The following ADAM10 variants were observed in gnomAD, a reference collection of about 807,000 sequenced individuals.
The protein encoded by ADAM10 is ADAM metallopeptidase domain 10.
In ADAM10, 17 loss-of-function variants were observed where a neutral mutation model predicts 90.1. That is an observed-to-expected ratio of 0.19 (90% CI 0.13 to 0.28). The LOEUF (loss-of-function observed/expected upper bound fraction) is 0.28. ADAM10 is among the 10% of genes least tolerant of loss of function. The pLI is 1.00. For missense variants in ADAM10, 610 were observed against 914.3 expected (o/e 0.67, Z 4.29); for synonymous variants, 310 against 298.6 (o/e 1.04, Z -0.40).
intron 1 of ADAM10, among the ~76,000 whole-genome samples, chr15:58,725,843 T>A (rs758804904): frequency 2.6e-5 from 4 of 151,994 alleles, no homozygotes; most frequent in Non-Finnish European, 5.9e-5. Context: ...CAAATGAAGG[T>A]GAGAAGAGGA....
Position 58,592,024 on chromosome 15 carries a change from T to C in ADAM10, c.*5523A>G, listed in dbSNP as rs1188063682. 6.6e-6 allele frequency: 1 copy of C among 152,290 alleles called. No individual in the cohort carries two copies. Among genetic ancestry groups the C allele is most frequent in the African/African-American group, 2.4e-5 (1 of 41,468 alleles). 9.4% of individuals were successfully genotyped at this position (152,290 alleles called of 1,614,324 possible). On this transcript the variant is annotated 3_prime_UTR_variant, in exon 16 of 16. Transcript: ENST00000260408. ...GAAGCAGGACCATATGTCTTGTAGT[T>C]TTCCAGAGTCTGGATTTTGCTGATT...
chr15:58,655,713 A>ATATATATATATATATATATATATAG (rs1896803307), intron 5 of ADAM10, among the ~76,000 whole-genome samples: 2 of 54,056 alleles, frequency 3.7e-5, no homozygotes, highest in Non-Finnish European at 5.9e-5. Context: ...TATATATAGT[A>ATATATATATATATATATATATATAG]TATATATATA....
intron 11 of ADAM10, 71 bp from the exon 12 acceptor site, chr15:58,612,062 T>A: frequency 4.3e-6 from 6 of 1,407,940 alleles, no homozygotes; most frequent in Non-Finnish European, 5.9e-6. Context: ...AGATATTAGA[T>A]TAGATCCACA....
At chr15:58,636,805 G>C (rs1896268123) in intron 8 of ADAM10, among the ~76,000 whole-genome samples, 1 of 152,092 alleles carries the variant, frequency 6.6e-6, no homozygotes, top group African/African-American at 2.4e-5. Context: ...GTTTTGATGT[G>C]AGGAGGCCAA....
chr15:58,670,190 T>G (rs1412639059), intron 4 of ADAM10, among the ~76,000 whole-genome samples: 1 of 150,312 alleles, frequency 6.7e-6, no homozygotes, highest in Admixed American at 6.6e-5. Context: ...CCTGATTAAA[T>G]CCTGTATTAA....
At chr15:58,665,277 T>G (rs949991024) in intron 4 of ADAM10, 80 bp from the exon 5 acceptor site, 4 of 1,058,298 alleles carry the variant, frequency 3.8e-6, no homozygotes, top group Non-Finnish European at 5.9e-6. Flanking sequence ...AAGTAAAAAT[T>G]TAACTGTCTT....
chr15:58,691,022 G>A, intron 2 of ADAM10: 1 of 518,802 alleles, frequency 1.9e-6, no homozygotes, highest in Non-Finnish European at 3.8e-6. Context: ...TGATCTCCAG[G>A]TGCTTTTTAG....
chr15:58,675,025 G>A (rs1897280399), intron 4 of ADAM10, among the ~76,000 whole-genome samples: 1 of 152,094 alleles, frequency 6.6e-6, no homozygotes, highest in Non-Finnish European at 1.5e-5. Flanking sequence ...GTGAAACCCC[G>A]TCTCTACTAA....
At chr15:58,699,325 T>C (rs1374416749) in intron 2 of ADAM10, among the ~76,000 whole-genome samples, 1 of 152,140 alleles carries the variant, frequency 6.6e-6, no homozygotes, top group Non-Finnish European at 1.5e-5. Flanking sequence ...AAAAAGATGA[T>C]GATCACCATC....
At chr15:58,654,766 G>A (rs1253253554) in intron 5 of ADAM10, among the ~76,000 whole-genome samples, 2 of 152,056 alleles carry the variant, frequency 1.3e-5, no homozygotes, top group Non-Finnish European at 2.9e-5. Context: ...TCATTCAGGA[G>A]CATATTGTTT....
chr15:58,678,246 C>A (rs1014638389), intron 4 of ADAM10, among the ~76,000 whole-genome samples: 13 of 152,218 alleles, frequency 8.5e-5, no homozygotes, highest in Admixed American at 5.2e-4. Context: ...AGCAGTTGGA[C>A]AGATGAAGTA....
intron 1 of ADAM10, among the ~76,000 whole-genome samples, chr15:58,721,660 G>A (rs1351719799): frequency 6.6e-6 from 1 of 152,090 alleles, no homozygotes; most frequent in Non-Finnish European, 1.5e-5. Flanking sequence ...CAGAGTGGGA[G>A]GATCACTTGA....
chr15:58,655,717 A>ATATG (rs1896804841), intron 5 of ADAM10, among the ~76,000 whole-genome samples: 1 of 55,458 alleles, frequency 1.8e-5, no homozygotes, highest in Non-Finnish European at 2.9e-5. Flanking sequence ...TATAGTATAT[A>ATATG]TATATATATA....
At chr15:58,633,117 G>T (rs1206254697) in intron 9 of ADAM10, 79 bp downstream of exon 9, 5 of 1,364,924 alleles carry the variant, frequency 3.7e-6, no homozygotes, top group East Asian at 4.9e-5. Context: ...TTGTTTTCAC[G>T]GTGAATTTTA....
intron 1 of ADAM10, among the ~76,000 whole-genome samples, chr15:58,734,294 C>T (rs1456535910): frequency 6.6e-6 from 1 of 152,122 alleles, no homozygotes; most frequent in Admixed American, 6.5e-5. Flanking sequence ...TTAAACCACC[C>T]AATCAAGTGA....
chr15:58,732,878 C>T (rs1011345006), intron 1 of ADAM10: 3 of 153,552 alleles, frequency 2.0e-5, no homozygotes, highest in Non-Finnish European at 4.4e-5. Context: ...AAAGTTCACA[C>T]TGGAAAAGAG....
intron 2 of ADAM10, chr15:58,691,397 C>A: frequency 1.3e-6 from 1 of 759,976 alleles, no homozygotes. Context: ...ACTCTTGCTC[C>A]ACAAAAGCAG....
intron 1 of ADAM10, among the ~76,000 whole-genome samples, chr15:58,745,666 A>G (rs1021434870): frequency 3.3e-4 from 51 of 152,310 alleles, no homozygotes; most frequent in Non-Finnish European, 3.4e-4. Flanking sequence ...ACATTTTTTA[A>G]AAGTTGGAGC....
chr15:58,715,625 T>C (rs760538103), intron 2 of ADAM10, among the ~76,000 whole-genome samples: 4 of 152,210 alleles, frequency 2.6e-5, no homozygotes, highest in Non-Finnish European at 5.9e-5. Context: ...ATGTTTGATT[T>C]ATGTTTCTAT....
Sources: allele counts gnomAD v4.1 joint callset (sites outside exome capture counted in the v4.1 genomes callset), GRCh38; gene constraint gnomAD v4.1.1; transcripts MANE v1.5; gene names NCBI Gene and HGNC (gene_info 2026-07-23, HGNC 2026-07-21).